The following ZNF775 variants were observed in gnomAD, a reference collection of about 807,000 sequenced individuals.
The protein encoded by ZNF775 is zinc finger protein 775.
A neutral mutation model predicts 2.4 loss-of-function variants in ZNF775; 1 was observed. The observed-to-expected ratio is 0.41, with a 90% CI of 0.15 to 1.94. The LOEUF (loss-of-function observed/expected upper bound fraction) is 1.94, where lower values mean the gene tolerates loss of function less well. Among genes scored for constraint, ZNF775 ranks in the 30% most tolerant of loss-of-function variants. The pLI, the probability that ZNF775 is intolerant of heterozygous loss-of-function variation, is 0.30. For missense variants in ZNF775, 823 were observed against 826.6 expected, an observed-to-expected ratio of 1.00 and a Z score of 0.05; for synonymous variants, 381 against 373.3, an observed-to-expected ratio of 1.02 and a Z score of -0.24.
Position 150,397,130 on chromosome 7 carries a change from C to A in ZNF775, c.649C>A (p.Arg217Ser). ...RIHQRAHARD[R>S]QGSRAGLHEL... ...CCACCAGCGCGCGCACGCCCGGGAC[C>A]GCCAGGGCTCCCGCGCCGGCCTGCA... The change falls in exon 3 of 3, where the codon CGC (arginine) becomes AGC (serine). Residue 217 changes from arginine to serine, a missense_variant. By Grantham distance (110) the Arg-to-Ser change is moderately radical (BLOSUM62 -1). Transcript: ENST00000329630. 1.3e-6 allele frequency: 2 copies of A among 1,509,046 alleles called. No individual in the cohort carries two copies. The highest frequency in any genetic ancestry group is 8.8e-7 in the Non-Finnish European group (1 of 1,137,934). 93.5% of individuals were successfully genotyped at this position (1,509,046 alleles called of 1,614,324 possible). A position where few individuals can be genotyped will look rare whatever the true frequency, so the allele number is the denominator to read the frequency against.
chr7:150,397,446 C>G lies in ZNF775; in HGVS notation c.965C>G (p.Pro322Arg). The part of the protein sequence containing the change: ...PECGRRFSQK[P>R]NLTRHLRNHT... ...TGCGGCCGCCGCTTCAGCCAGAAGC[C>G]CAACTTGACGCGGCACCTGCGCAAC... Residue 322 changes from proline to arginine, a missense_variant, in exon 3 of 3, where the codon CCC (proline) becomes CGC (arginine). Pro to Arg is a moderately radical substitution (Grantham distance 103). Coordinates refer to ENST00000329630, the MANE Select transcript of ZNF775 (RefSeq NM_173680.4). 1.3e-6 allele frequency: 2 copies of G among 1,594,842 alleles called. No homozygotes were observed. The highest frequency in any genetic ancestry group is 1.3e-5 in the African/African-American group (1 of 74,416).
chr7:150,397,063 C>A lies in ZNF775; in HGVS notation c.582C>A (p.Pro194=). Residue 194 remains proline, a synonymous_variant, in exon 3 of 3, where the codon CCC becomes CCA. Transcript: ENST00000329630. ...THSRPATHSC[P]ECERCFRHQV... is the part of the protein sequence containing the mutation. ...CCCGGCCCGCCACCCACTCGTGCCC[C>A]GAGTGCGAGCGCTGCTTCCGTCACC... 1 of 1,590,886 alleles carries A rather than the reference C, an allele frequency of 6.3e-7. No homozygotes were observed. The highest frequency in any genetic ancestry group is 8.5e-7 in the Non-Finnish European group (1 of 1,175,486).
At position 150,397,850 on chromosome 7, in the gene ZNF775, T is replaced by G. The variant is rs769923873; in HGVS notation, c.1369T>G (p.Trp457Gly). The G allele has an allele frequency of 1.7e-5, 28 of 1,600,390 alleles. No homozygotes were observed. In the South Asian group the frequency reaches 2.1e-4, roughly 12 times the overall value. Residue 457 changes from tryptophan (W) to glycine (G), a missense_variant, in exon 3 of 3, where the codon TGG becomes GGG. By Grantham distance (184) the Trp-to-Gly change is radical. Coordinates refer to ENST00000329630, the MANE Select transcript of ZNF775 (RefSeq NM_173680.4). ...ICNECGKSFS[W>G]WSALTIHQRI... Reference sequence around the variant, plus strand: ...CAACGAGTGCGGCAAGAGCTTCTCGTGGTGGTCGGCGCTCACCATCCACCA... The same window carrying G: ...CAACGAGTGCGGCAAGAGCTTCTCGGGGTGGTCGGCGCTCACCATCCACCA...
chr7:150,398,285 G>A lies in ZNF775; in HGVS notation c.*190G>A. 1.0e-6 allele frequency: 1 copy of A among 962,868 alleles called. No homozygotes were observed. Among genetic ancestry groups the A allele is most frequent in the Non-Finnish European group, 1.5e-6 (1 of 681,936 alleles). 59.6% of individuals were successfully genotyped at this position (962,868 alleles called of 1,614,324 possible). A position where few individuals can be genotyped will look rare whatever the true frequency, so the allele number is the denominator to read the frequency against. On this transcript the variant is annotated 3_prime_UTR_variant, in exon 3 of 3. Transcript: ENST00000329630. The stretch of plus-strand genomic sequence containing the variant: ...GGGTGCTGGGAAAGGTCCCAGCGTG[G>A]GTTGAGGGAGGAGGGAAGATCCGAG...
chr7:150,396,054 G>C (rs1437382169), intron 2 of ZNF775, among the ~76,000 whole-genome samples: 3 of 152,234 alleles, frequency 2.0e-5, no homozygotes, highest in African/African-American at 4.8e-5. Context: ...CCAGCACGTC[G>C]ATCCTCTTAG....
rs753586825 is a variant in ZNF775, at chr7:150,396,784, C to T, written c.303C>T (p.Ser101=). The part of the protein sequence containing the change: ...SASGPLSPSL[S]SGEGHFVCLD... ...CCGGCCCCCTGAGCCCCTCGCTTTC[C>T]TCCGGCGAGGGTCACTTTGTATGCC... The change falls in exon 3 of 3, where the codon TCC becomes TCT. Residue 101 remains serine, a synonymous_variant. Coordinates refer to ENST00000329630, the MANE Select transcript of ZNF775 (RefSeq NM_173680.4). 24 of 1,595,300 alleles carry T rather than the reference C, an allele frequency of 1.5e-5. No individual in the cohort carries two copies. The highest frequency in any genetic ancestry group is 1.8e-5 in the Non-Finnish European group (21 of 1,172,364).
rs1451809265 is a variant in ZNF775 at position 150,379,360 on chromosome 7, C to T, written c.-82C>T. 1 of 152,230 alleles carries T rather than the reference C, an allele frequency of 6.6e-6. No individual in the cohort carries two copies. The highest frequency in any genetic ancestry group is 1.9e-4 in the East Asian group (1 of 5,182). 9.4% of individuals were successfully genotyped at this position (152,230 alleles called of 1,614,324 possible). A position where few individuals can be genotyped will look rare whatever the true frequency, so the allele number is the denominator to read the frequency against. On this transcript the variant is annotated 5_prime_UTR_variant, in exon 1 of 3. Coordinates refer to ENST00000329630, the MANE Select transcript of ZNF775 (RefSeq NM_173680.4). Reference sequence around the variant, plus strand: ...GGTGCCCAAGTCGCCCTCGGGGTGGCAGTTCCCGTTAACCTTAGCCACAAA... The same window carrying T: ...GGTGCCCAAGTCGCCCTCGGGGTGGTAGTTCCCGTTAACCTTAGCCACAAA...
In ZNF775 at chr7:150,396,976, C is replaced by T; in HGVS notation, c.495C>T (p.Cys165=). ...ACACGGGCGAGCGACCCTTCTGCTG[C>T]CCCGAGTGCGCGCGGCGCTTCAGCC... The part of the protein sequence containing the change: ...RHHTGERPFC[C]PECARRFSQK... The change falls in exon 3 of 3, where the codon TGC becomes TGT. Residue 165 remains cysteine, a synonymous_variant. Coordinates refer to ENST00000329630, the MANE Select transcript of ZNF775 (RefSeq NM_173680.4). The T allele has an allele frequency of 1.3e-6, 2 of 1,599,750 alleles. No individual in the cohort carries two copies. Among genetic ancestry groups the T allele is most frequent in the Non-Finnish European group, 1.7e-6 (2 of 1,179,174 alleles).
intron 1 of ZNF775, 42 bp from the exon 2 acceptor site, chr7:150,388,380 C>T (rs1800491823): frequency 6.7e-7 from 1 of 1,487,106 alleles, no homozygotes. Context: ...TTGTCCTTGT[C>T]CCACAGGCCC....
chr7:150,390,499 A>G (rs1800543564), intron 2 of ZNF775, among the ~76,000 whole-genome samples: 1 of 152,226 alleles, frequency 6.6e-6, no homozygotes, highest in Admixed American at 6.5e-5. Flanking sequence ...ATCCTGGATC[A>G]TGCCTGTGTG....
chr7:150,390,012 C>T (rs1487443606), intron 2 of ZNF775, among the ~76,000 whole-genome samples: 1 of 152,078 alleles, frequency 6.6e-6, no homozygotes, highest in Non-Finnish European at 1.5e-5. Context: ...GTAGCCATCA[C>T]TGCCATCTAT....
Position 150,396,978 on chromosome 7 carries a change from C to G in ZNF775, c.497C>G (p.Pro166Arg), listed in dbSNP as rs1488286464. 6.3e-7 allele frequency: 1 copy of G among 1,599,484 alleles called. No individual in the cohort carries two copies. Among genetic ancestry groups the G allele is most frequent in the Non-Finnish European group, 8.5e-7 (1 of 1,179,136 alleles). Reference sequence around the variant, plus strand: ...ACGGGCGAGCGACCCTTCTGCTGCCCCGAGTGCGCGCGGCGCTTCAGCCAG... The same window carrying G: ...ACGGGCGAGCGACCCTTCTGCTGCCGCGAGTGCGCGCGGCGCTTCAGCCAG... Reference protein sequence around the residue: ...HHTGERPFCCPECARRFSQKQ... With the variant: ...HHTGERPFCCRECARRFSQKQ... Residue 166 changes from proline (P) to arginine (R), a missense_variant, in exon 3 of 3, where the codon CCC becomes CGC. Physicochemically the swap from Pro to Arg is moderately radical, Grantham distance 103. Transcript: ENST00000329630.
At chr7:150,393,380 C>T (rs1262871119) in intron 2 of ZNF775, among the ~76,000 whole-genome samples, 1 of 152,236 alleles carries the variant, frequency 6.6e-6, no homozygotes, top group African/African-American at 2.4e-5. Context: ...CTGAAGGACA[C>T]TGTGGTTCCT....
chr7:150,388,330 G>A (rs1800490769), intron 1 of ZNF775, 92 bp from the exon 2 acceptor site: 1 of 947,542 alleles, frequency 1.1e-6, no homozygotes, highest in Non-Finnish European at 1.6e-6. Flanking sequence ...GGAAAAGAGA[G>A]TGCTTTATGG....
chr7:150,391,485 G>A (rs1800557368), intron 2 of ZNF775, among the ~76,000 whole-genome samples: 1 of 152,120 alleles, frequency 6.6e-6, no homozygotes. Context: ...TCCAGCCTGG[G>A]TGACTGAGGG....
intron 1 of ZNF775, among the ~76,000 whole-genome samples, chr7:150,383,488 T>C (rs983755718): frequency 4.6e-5 from 7 of 151,902 alleles, no homozygotes; most frequent in Non-Finnish European, 8.8e-5. Context: ...AGCAGTCAGG[T>C]ATGGGCTGCA....
chr7:150,393,062 T>C (rs1264277880), intron 2 of ZNF775, among the ~76,000 whole-genome samples: 1 of 152,208 alleles, frequency 6.6e-6, no homozygotes, highest in African/African-American at 2.4e-5. Flanking sequence ...GACAAAGGCA[T>C]AATGTCCCGT....
At chr7:150,392,296 T>G (rs949926767) in intron 2 of ZNF775, among the ~76,000 whole-genome samples, 4 of 152,234 alleles carry the variant, frequency 2.6e-5, no homozygotes, top group Non-Finnish European at 5.9e-5. Context: ...CCTTTTTCCA[T>G]GGACTTGGAA....
chr7:150,380,276 T>C (rs1800338135), intron 1 of ZNF775: 1 of 152,216 alleles, frequency 6.6e-6, no homozygotes, highest in African/African-American at 2.4e-5. Context: ...TGTACTGAAA[T>C]TTCTTTTATT....
Sources: allele counts gnomAD v4.1 joint callset (sites outside exome capture counted in the v4.1 genomes callset), GRCh38; gene constraint gnomAD v4.1.1; transcripts MANE v1.5; gene names NCBI Gene and HGNC (gene_info 2026-07-23, HGNC 2026-07-21).